Variants in TCF20 observed in about 807,000 individuals in gnomAD.
TCF20 encodes the protein transcription factor 20.
In TCF20, 3 loss-of-function variants were observed where a neutral mutation model predicts 148.6. That is an observed-to-expected ratio of 0.02 (90% CI 0.01 to 0.05). The LOEUF (loss-of-function observed/expected upper bound fraction) is 0.05, where lower values mean the gene tolerates loss of function less well. TCF20 is among the 10% of genes least tolerant of loss of function. TCF20 has a pLI of 1.00. For missense variants in TCF20, 2,350 were observed against 2,429.3 expected (o/e 0.97, Z 0.69); for synonymous variants, 1,049 against 909.5 (o/e 1.15, Z -2.76).
chr22:42,322,381 C>T (rs572667483), intron 1 of TCF20, among the ~76,000 whole-genome samples: 2 of 151,818 alleles, frequency 1.3e-5, no homozygotes, highest in South Asian at 2.1e-4. Flanking sequence ...TCCCGGCAGC[C>T]GTCAGAGAGA....
rs541147459 is a variant in TCF20 at position 42,215,138 on chromosome 22, A to ACCACTG, written c.162_167dup (p.Ser55_Gly56dup). 13 of 1,613,620 alleles carry ACCACTG rather than the reference A, an allele frequency of 8.1e-6. No individual in the cohort carries two copies. Among genetic ancestry groups the ACCACTG allele is most frequent in the South Asian group, 3.3e-5 (3 of 91,074 alleles). On this transcript the variant is annotated inframe_insertion, in exon 2 of 6. Coordinates refer to ENST00000677622, the MANE Select transcript of TCF20 (RefSeq NM_001378418.1). Reference sequence around the variant, plus strand: ...CAGCTGCTGCTCCTCGTCGTCCACCACCACTGCCACTGCCACTGCTGCCAC... The same window carrying ACCACTG: ...CAGCTGCTGCTCCTCGTCGTCCACCACCACTGCCACTGCCACTGCCACTGCTGCCAC...
intron 1 of TCF20, among the ~76,000 whole-genome samples, chr22:42,254,959 C>CAAAAAAAAAAA (rs10625678): frequency 3.2e-5 from 2 of 62,800 alleles, no homozygotes; most frequent in Admixed American, 2.1e-4. Context: ...GACTCCGTCT[C>CAAAAAAAAAAA]AAAAAAAAAA....
At chr22:42,341,802 T>G (rs1928174052) in intron 1 of TCF20, among the ~76,000 whole-genome samples, 1 of 151,586 alleles carries the variant, frequency 6.6e-6, no homozygotes, top group East Asian at 1.9e-4. Context: ...GATGGAAGCG[T>G]CCTACCACAT....
rs573301515 is a variant in TCF20 at position 42,265,804 on chromosome 22, T to C, written c.-37+4535A>G. Among the ~76,000 whole-genome samples the C allele has an allele frequency of 1.9e-4, 29 of 152,348 alleles. No homozygotes were observed. In the South Asian group the frequency reaches 4.6e-3, roughly 24 times the overall value. On this transcript the variant is annotated intron_variant, in intron 1 of 5. Transcript: ENST00000677622. ...ACCATACAAAATGATTCTAGTGCAT[T>C]GTAAACTAGTCAGGAAGAGATAGCC...
In TCF20 at chr22:42,214,436, G is replaced by A. The variant is rs1347459778; in HGVS notation, c.870C>T (p.Tyr290=). ...TCTTCATAGATTGAGGCTGATAGCT[G>A]TAATTGGATTGTGTTCCATAAGCCT... The part of the protein sequence containing the change: ...NAQAYGTQSN[Y]SYQPQSMKNF... The change falls in exon 2 of 6, where the codon TAC becomes TAT. Residue 290 remains tyrosine, a synonymous_variant. Transcript: ENST00000677622. 16 of 1,614,046 alleles carry A rather than the reference G, an allele frequency of 9.9e-6. No homozygotes were observed. Among genetic ancestry groups the A allele is most frequent in the Middle Eastern group, 1.6e-4 (1 of 6,084 alleles).
chr22:42,233,696 C>A lies in TCF20; in HGVS notation c.-36-18355G>T, dbSNP rs181401829. 5.3e-5 allele frequency among the ~76,000 whole-genome samples: 8 copies of A among 152,322 alleles called. No individual in the cohort carries two copies. In the East Asian group the frequency reaches 1.5e-3, roughly 29 times the overall value. ...GTGAATTAAGTTGACAATATAAATT[C>A]TCTTTCTGACAAATGTAAAGGTAAC... On this transcript the variant is annotated intron_variant, in intron 1 of 5. Coordinates refer to ENST00000677622, the MANE Select transcript of TCF20 (RefSeq NM_001378418.1).
chr22:42,327,080 C>A (rs541892095), intron 1 of TCF20, among the ~76,000 whole-genome samples: 1 of 152,178 alleles, frequency 6.6e-6, no homozygotes, highest in African/African-American at 2.4e-5. Flanking sequence ...CTAACCCTCG[C>A]GGCAACGATG....
At chr22:42,253,474 ATAT>A (rs1569188163) in intron 1 of TCF20, among the ~76,000 whole-genome samples, 1 of 152,212 alleles carries the variant, frequency 6.6e-6, no homozygotes, top group East Asian at 1.9e-4. Flanking sequence ...TTACATAAAT[ATAT>A]TATCTCAACT....
At chr22:42,198,643 A>G (rs1394346022) in intron 2 of TCF20, among the ~76,000 whole-genome samples, 1 of 151,836 alleles carries the variant, frequency 6.6e-6, no homozygotes, top group Non-Finnish European at 1.5e-5. Flanking sequence ...GTATATATTC[A>G]GAACAGATGG....
At position 42,215,073 on chromosome 22, in the gene TCF20, C is replaced by T. The variant is rs781127956; in HGVS notation, c.233G>A (p.Gly78Asp). 2 of 1,614,198 alleles carry T rather than the reference C, an allele frequency of 1.2e-6. No homozygotes were observed. The highest frequency in any genetic ancestry group is 1.7e-5 in the Admixed American group (1 of 60,024). Reference sequence around the variant, plus strand: ...AGCCTCTTTCCTGAAACCCTGGTAACCTTGATGGCCAGAGGTCTCGCTAGC... The same window carrying T: ...AGCCTCTTTCCTGAAACCCTGGTAATCTTGATGGCCAGAGGTCTCGCTAGC... ...AMASETSGHQGYQGFRKEAGD... is the reference protein window; with the variant it reads ...AMASETSGHQDYQGFRKEAGD... The change falls in exon 2 of 6, where the codon GGT (glycine) becomes GAT (aspartate). Residue 78 changes from glycine (G) to aspartate (D), a missense_variant. Transcript: ENST00000677622.
intron 1 of TCF20, among the ~76,000 whole-genome samples, chr22:42,231,922 C>G (rs1039159630): frequency 1.9e-5 from 1 of 52,268 alleles, no homozygotes; most frequent in Non-Finnish European, 3.9e-5. Context: ...GAGAGAGACT[C>G]CGTCTCAAAA....
Position 42,214,396 on chromosome 22 carries a change from T to C in TCF20, c.910A>G (p.Lys304Glu), listed in dbSNP as rs771880763. The change falls in exon 2 of 6, where the codon AAG becomes GAG. Residue 304 changes from lysine (K) to glutamate (E), a missense_variant. By Grantham distance (56) the Lys-to-Glu change is moderately conservative. Coordinates refer to ENST00000677622, the MANE Select transcript of TCF20 (RefSeq NM_001378418.1). ...CCCTGTTGGGTCCCTTGTGGAATCT[T>C]TGCCTGTTCAAAATTCTTCATAGAT... ...PQSMKNFEQA[K>E]IPQGTQQGQQ... 42 of 1,613,954 alleles carry C rather than the reference T, an allele frequency of 2.6e-5. No individual in the cohort carries two copies. Among genetic ancestry groups the C allele is most frequent in the Non-Finnish European group, 3.4e-5 (40 of 1,180,010 alleles).
chr22:42,253,894 T>C (rs1481942666), intron 1 of TCF20, among the ~76,000 whole-genome samples: 4 of 152,068 alleles, frequency 2.6e-5, no homozygotes, highest in East Asian at 3.9e-4. Context: ...CTGACCAACA[T>C]GGAGAAACCC....
chr22:42,330,586 G>A (rs1450920872), intron 1 of TCF20, among the ~76,000 whole-genome samples: 1 of 152,220 alleles, frequency 6.6e-6, no homozygotes, highest in Admixed American at 6.5e-5. Flanking sequence ...GGACTGTCTT[G>A]CTCACTGCTG....
intron 1 of TCF20, among the ~76,000 whole-genome samples, chr22:42,304,195 A>C (rs1927392206): frequency 6.6e-6 from 1 of 152,198 alleles, no homozygotes; most frequent in Non-Finnish European, 1.5e-5. Flanking sequence ...TACCCCATTA[A>C]GGGAGAAAAT....
chr22:42,174,662 T>G (rs577803828), intron 3 of TCF20, among the ~76,000 whole-genome samples: 40 of 152,164 alleles, frequency 2.6e-4, no homozygotes, highest in Non-Finnish European at 5.1e-4. Context: ...GAGGATCGCT[T>G]GAGCCTAAGA....
intron 1 of TCF20, among the ~76,000 whole-genome samples, chr22:42,336,052 C>T (rs1414253167): frequency 1.3e-5 from 2 of 152,212 alleles, no homozygotes; most frequent in Non-Finnish European, 2.9e-5. Flanking sequence ...GCCCCATTAG[C>T]GTGGCCTCCT....
intron 3 of TCF20, among the ~76,000 whole-genome samples, chr22:42,173,870 C>T (rs2147072935): frequency 6.6e-6 from 1 of 152,342 alleles, no homozygotes; most frequent in South Asian, 2.1e-4. Context: ...CCTACCCTCA[C>T]TCCTCCCAAC....
intron 1 of TCF20, among the ~76,000 whole-genome samples, chr22:42,245,958 G>C (rs1485637582): frequency 6.6e-6 from 1 of 151,978 alleles, no homozygotes; most frequent in Admixed American, 6.6e-5. Flanking sequence ...CTAGTTGTCT[G>C]TTTCCCACAC....
Sources: gnomAD v4.1 joint callset for allele counts (sites outside exome capture counted in the v4.1 genomes callset) on GRCh38, gnomAD v4.1.1 for gene constraint, MANE v1.5 for transcripts, NCBI Gene and HGNC (gene_info 2026-07-23, HGNC 2026-07-21) for gene names.